The following TTC17 variants were observed in gnomAD, a reference collection of about 807,000 sequenced individuals.
The protein encoded by TTC17 is tetratricopeptide repeat protein 17.
TTC17 carries 58 observed loss-of-function variants against 143.8 expected under a neutral mutation model. The observed-to-expected ratio is 0.40, with a 90% CI of 0.33 to 0.50. The LOEUF (loss-of-function observed/expected upper bound fraction) is 0.50, where lower values mean the gene tolerates loss of function less well. Ranked by LOEUF, TTC17 falls within the 20% of genes least tolerant of loss-of-function variation. The probability of loss-of-function intolerance (pLI) is 0.49; values close to 1 mark genes in which losing one functional copy is unlikely to be tolerated. For missense variants in TTC17, 1,273 were observed against 1,392.5 expected, an observed-to-expected ratio of 0.91 and a Z score of 1.37; for synonymous variants, 501 against 497.8, an observed-to-expected ratio of 1.01 and a Z score of -0.09.
At chr11:43,492,479 A>G (rs990238239) in intron 23 of TTC17, among the ~76,000 whole-genome samples, 2 of 152,218 alleles carry the variant, frequency 1.3e-5, no homozygotes, top group African/African-American at 4.8e-5. Context: ...CTCCATGTAG[A>G]CACACATACA....
At position 43,492,077 on chromosome 11, in the gene TTC17, G is replaced by A. The variant is rs774897094; in HGVS notation, c.3208G>A (p.Ala1070Thr). The change falls in exon 23 of 24, where the codon GCC becomes ACC. Residue 1070 changes from alanine (A) to threonine (T), a missense_variant. Ala to Thr is a moderately conservative substitution (Grantham distance 58). Transcript: ENST00000039989. ...GCACAATGCCAAGCTCTGGAATGACGCCGTCATAGTAGCCACCATGGCAGT... is the reference window on the plus strand; with the variant it reads ...GCACAATGCCAAGCTCTGGAATGACACCGTCATAGTAGCCACCATGGCAGT... The part of the protein sequence containing the change: ...ILHNAKLWND[A>T]VIVATMAVEI... 25 of 1,613,958 alleles carry A rather than the reference G, an allele frequency of 1.5e-5. No individual in the cohort carries two copies. Among genetic ancestry groups the A allele is most frequent in the Admixed American group, 1.7e-5 (1 of 59,982 alleles).
chr11:43,359,260 A>G, intron 1 of TTC17, 147 bp downstream of exon 1: 1 of 1,023,212 alleles, frequency 9.8e-7, no homozygotes, highest in Non-Finnish European at 1.4e-6. Flanking sequence ...GACTCCCTGC[A>G]TTCGGACCAG....
At chr11:43,406,885 G>C (rs918231073) in intron 13 of TTC17, among the ~76,000 whole-genome samples, 3 of 152,090 alleles carry the variant, frequency 2.0e-5, no homozygotes, top group African/African-American at 4.8e-5. Flanking sequence ...GACTTTAATG[G>C]GGTATGGTAG....
intron 1 of TTC17, among the ~76,000 whole-genome samples, chr11:43,375,138 A>T (rs906314076): frequency 1.3e-5 from 2 of 152,172 alleles, no homozygotes; most frequent in Admixed American, 1.3e-4. Context: ...CGTCATCCCC[A>T]TTCTCAGGCC....
At chr11:43,431,718 A>C (rs987412887) in intron 16 of TTC17, among the ~76,000 whole-genome samples, 2 of 152,230 alleles carry the variant, frequency 1.3e-5, no homozygotes, top group Non-Finnish European at 2.9e-5. Context: ...ATTAAGCTCA[A>C]TTTGCAGCCA....
intron 15 of TTC17, among the ~76,000 whole-genome samples, chr11:43,408,750 T>C (rs1393193063): frequency 6.6e-6 from 1 of 152,300 alleles, no homozygotes; most frequent in African/African-American, 2.4e-5. Flanking sequence ...TATACCTTTT[T>C]TTTTTCTTTG....
chr11:43,414,642 G>T lies in TTC17; in HGVS notation c.2117G>T (p.Ser706Ile). 1 of 1,613,618 alleles carries T rather than the reference G, an allele frequency of 6.2e-7. No individual in the cohort carries two copies. Among genetic ancestry groups the T allele is most frequent in the Non-Finnish European group, 8.5e-7 (1 of 1,179,722 alleles). Residue 706 changes from serine to isoleucine, a missense_variant, in exon 16 of 24, where the codon AGT becomes ATT. By Grantham distance (142) the Ser-to-Ile change is moderately radical. Around this residue, in one of 3 missense-constraint regions of TTC17, gnomAD observed 878 missense variants for 899.8 expected, o/e 0.98. Transcript: ENST00000039989. ...GCTTACCTTGCTCTGAAGAATATCA[G>T]TGGGGCACTTGAGGCCTTTAGACAG... ...GNAYLALKNI[S>I]GALEAFRQAL...
intron 1 of TTC17, among the ~76,000 whole-genome samples, chr11:43,367,840 TC>T (rs1402974195): frequency 6.6e-6 from 1 of 152,068 alleles, no homozygotes; most frequent in Non-Finnish European, 1.5e-5. Flanking sequence ...TCATCCTTCA[TC>T]CCTATAACTC....
chr11:43,457,266 A>G (rs1422761488), intron 21 of TTC17, among the ~76,000 whole-genome samples: 1 of 152,100 alleles, frequency 6.6e-6, no homozygotes, highest in African/African-American at 2.4e-5. Flanking sequence ...AGTCTTGCCA[A>G]ACTGTATGCC....
chr11:43,428,000 C>T (rs1289939980), intron 16 of TTC17, among the ~76,000 whole-genome samples: 2 of 152,154 alleles, frequency 1.3e-5, no homozygotes, highest in African/African-American at 4.8e-5. Flanking sequence ...AAACCCCCCT[C>T]AATATACATA....
chr11:43,377,284 T>G (rs1043450430), intron 1 of TTC17, among the ~76,000 whole-genome samples: 10 of 151,868 alleles, frequency 6.6e-5, no homozygotes, highest in African/African-American at 1.9e-4. Flanking sequence ...CAGAGTAAGA[T>G]TCCGTCTAAA....
At chr11:43,486,534 G>C (rs528624582) in intron 21 of TTC17, 1 of 332,946 alleles carries the variant, frequency 3.0e-6, no homozygotes, top group Non-Finnish European at 6.5e-6. Flanking sequence ...ATACATGTAT[G>C]TCAGAGATAG....
chr11:43,475,392 G>T (rs1948167135), intron 21 of TTC17, among the ~76,000 whole-genome samples: 1 of 152,138 alleles, frequency 6.6e-6, no homozygotes, highest in Non-Finnish European at 1.5e-5. Flanking sequence ...AGGTGCAGTG[G>T]CGTGATCACC....
In TTC17 at chr11:43,405,574, C is replaced by T. The variant is rs1250733801; in HGVS notation, c.1540C>T (p.Pro514Ser). ...ADCTESYPRV[P>S]VGGELPTYFL... ...TTGTACAGAAAGCTACCCTAGAGTC[C>T]CTGTTGGTGGGGAATTGCCAACGTA... Residue 514 changes from proline to serine, a missense_variant, in exon 12 of 24, where the codon CCT (proline) becomes TCT (serine). Physicochemically the swap from Pro to Ser is moderately conservative, Grantham distance 74. Coordinates refer to ENST00000039989, the MANE Select transcript of TTC17 (RefSeq NM_018259.6). 1 of 1,613,928 alleles carries T rather than the reference C, an allele frequency of 6.2e-7. No homozygotes were observed. The highest frequency in any genetic ancestry group is 8.5e-7 in the Non-Finnish European group (1 of 1,179,892).
chr11:43,382,997 T>C (rs1013334294), intron 2 of TTC17, among the ~76,000 whole-genome samples: 1 of 152,174 alleles, frequency 6.6e-6, no homozygotes, highest in African/African-American at 2.4e-5. Context: ...CTTCCTGGGC[T>C]CATGCTATCT....
At chr11:43,365,328 G>T (rs891592557) in intron 1 of TTC17, among the ~76,000 whole-genome samples, 1 of 152,052 alleles carries the variant, frequency 6.6e-6, no homozygotes, top group Non-Finnish European at 1.5e-5. Context: ...GAATTCAGTG[G>T]CATGATTATG....
At chr11:43,422,187 AAG>A (rs528573939) in intron 16 of TTC17, among the ~76,000 whole-genome samples, 18 of 152,234 alleles carry the variant, frequency 1.2e-4, no homozygotes, top group Non-Finnish European at 1.9e-4. Context: ...AAATGAAAGA[AAG>A]AGAGGTCAAG....
intron 21 of TTC17, chr11:43,489,768 G>GTGGGGA: frequency 6.6e-6 from 1 of 150,458 alleles, no homozygotes; most frequent in Admixed American, 6.6e-5. Flanking sequence ...GGAGGGGGGA[G>GTGGGGA]GGGGGAGGTG....
intron 16 of TTC17, among the ~76,000 whole-genome samples, chr11:43,423,050 G>C (rs763066031): frequency 2.0e-5 from 3 of 152,194 alleles, no homozygotes; most frequent in Non-Finnish European, 2.9e-5. Context: ...ACAAATGTAA[G>C]AGTAGTCCTT....
Sources: gnomAD v4.1 joint callset for allele counts (sites outside exome capture counted in the v4.1 genomes callset) on GRCh38, gnomAD v4.1.1 for gene constraint, gnomAD v4.1.1 regional missense constraint, MANE v1.5 for transcripts, NCBI Gene and HGNC (gene_info 2026-07-23, HGNC 2026-07-21) for gene names.